Variants in AFAP1 observed in about 807,000 individuals in gnomAD.
AFAP1 encodes the protein actin filament-associated protein 1.
In AFAP1, 75 loss-of-function variants were observed where a neutral mutation model predicts 93.9. That is an observed-to-expected ratio of 0.80 (90% CI 0.66 to 0.97). AFAP1 has a LOEUF of 0.97. AFAP1 is among the 50% of genes least tolerant of loss of function. AFAP1 has a pLI of 0.00. For missense variants in AFAP1, 1,201 were observed against 1,050.8 expected (o/e 1.14, Z -1.98); for synonymous variants, 517 against 430.7 (o/e 1.20, Z -2.48).
intron 6 of AFAP1, among the ~76,000 whole-genome samples, chr4:7,820,303 A>G (rs1037598018): frequency 2.0e-5 from 3 of 152,216 alleles, no homozygotes; most frequent in African/African-American, 7.2e-5. Context: ...GGCTGGGTGG[A>G]GAGAAGCCAG....
At chr4:7,934,878 C>T (rs7689238) in intron 1 of AFAP1, among the ~76,000 whole-genome samples, 79,305 of 152,044 alleles carry the variant, frequency 0.52, 21,275 homozygotes, top group East Asian at 0.78. Context: ...CGTGGACATT[C>T]ATTACTTCAT....
chr4:7,820,771 G>T (rs1720906196), intron 6 of AFAP1, among the ~76,000 whole-genome samples: 1 of 152,110 alleles, frequency 6.6e-6, no homozygotes, highest in Non-Finnish European at 1.5e-5. Flanking sequence ...GAAGAGGGAG[G>T]AGGCAGAGAG....
chr4:7,850,469 G>A (rs1469171289), intron 4 of AFAP1, among the ~76,000 whole-genome samples: 1 of 152,334 alleles, frequency 6.6e-6, no homozygotes. Context: ...TTAGAAAGCT[G>A]AAAATAAAAC....
At position 7,792,147 on chromosome 4, in the gene AFAP1, A is replaced by G. The variant is rs537875816; in HGVS notation, c.1412+1534T>C. 1.9e-4 allele frequency among the ~76,000 whole-genome samples: 29 copies of G among 152,248 alleles called. No individual in the cohort carries two copies. The South Asian group carries it at 2.5e-3, about 13-fold the overall frequency. On this transcript the variant is annotated intron_variant, in intron 11 of 17. Transcript: ENST00000420658. ...GGGCACATTTTAATTGCTTTTTCTG[A>G]GCTGTAGTGACACTTCTTCGGGACT...
At chr4:7,866,580 C>A (rs557705449) in intron 3 of AFAP1, among the ~76,000 whole-genome samples, 2 of 152,274 alleles carry the variant, frequency 1.3e-5, no homozygotes, top group Non-Finnish European at 2.9e-5. Flanking sequence ...TAAGACCCAT[C>A]ACAGGGGAGC....
intron 17 of AFAP1, among the ~76,000 whole-genome samples, chr4:7,764,064 A>G (rs1409395851): frequency 6.6e-6 from 1 of 152,246 alleles, no homozygotes; most frequent in Non-Finnish European, 1.5e-5. Context: ...CCACCGATGG[A>G]TAGACATGTA....
chr4:7,794,858 CAGTTACATTTTT>C (rs1330337892), intron 10 of AFAP1, among the ~76,000 whole-genome samples: 6 of 152,060 alleles, frequency 3.9e-5, no homozygotes. Flanking sequence ...TTTAGAAAAT[CAGTTACATTTTT>C]AGTGGTATTT....
chr4:7,783,021 T>G (rs1282967492), intron 12 of AFAP1, among the ~76,000 whole-genome samples: 1 of 152,190 alleles, frequency 6.6e-6, no homozygotes, highest in Non-Finnish European at 1.5e-5. Flanking sequence ...TCACAGAAGT[T>G]TCTAGTTTAA....
At chr4:7,825,814 C>A (rs893678683) in intron 6 of AFAP1, among the ~76,000 whole-genome samples, 1 of 151,764 alleles carries the variant, frequency 6.6e-6, no homozygotes. Context: ...TTTGAGAGAA[C>A]TAATAAAATT....
At chr4:7,834,729 ATCCAAGCTGTAG>A (rs1407193290) in intron 6 of AFAP1, among the ~76,000 whole-genome samples, 1 of 152,224 alleles carries the variant, frequency 6.6e-6, no homozygotes, top group Non-Finnish European at 1.5e-5. Context: ...GGGAAGAGAG[ATCCAAGCTGTAG>A]TCCAGGGCAT....
intron 15 of AFAP1, 200 bp from the exon 16 acceptor site, chr4:7,773,210 G>T: frequency 1.2e-6 from 1 of 815,128 alleles, no homozygotes; most frequent in Non-Finnish European, 1.8e-6. Context: ...CTTTGCTGCA[G>T]CCGTTGAGGA....
intron 17 of AFAP1, among the ~76,000 whole-genome samples, chr4:7,764,962 T>C (rs1307852312): frequency 6.6e-6 from 1 of 152,086 alleles, no homozygotes; most frequent in African/African-American, 2.4e-5. Flanking sequence ...AAAAATTAGC[T>C]GGGTGTGGTG....
intron 1 of AFAP1, among the ~76,000 whole-genome samples, chr4:7,904,250 G>A (rs564276873): frequency 1.3e-5 from 2 of 152,158 alleles, no homozygotes; most frequent in Admixed American, 6.5e-5. Flanking sequence ...GCACGGGGCC[G>A]ACTGCTTTTC....
chr4:7,772,939 C>T lies in AFAP1; in HGVS notation c.2134G>A (p.Glu712Lys). 2 of 1,613,884 alleles carry T rather than the reference C, an allele frequency of 1.2e-6. No individual in the cohort carries two copies. Among genetic ancestry groups the T allele is most frequent in the Non-Finnish European group, 1.7e-6 (2 of 1,180,030 alleles). ...AGCTCCAGCTCCAGGCTGACACGCTCCGCCTCCTTCTGCCGGCACTCCTCC... is the reference window on the plus strand; with the variant it reads ...AGCTCCAGCTCCAGGCTGACACGCTTCGCCTCCTTCTGCCGGCACTCCTCC... ...LEEECRQKEAERVSLELELTE... is the reference protein window; with the variant it reads ...LEEECRQKEAKRVSLELELTE... Residue 712 changes from glutamate to lysine, a missense_variant, in exon 16 of 18, where the codon GAG becomes AAG. Transcript: ENST00000420658.
chr4:7,767,063 A>G (rs1331236262), intron 17 of AFAP1, among the ~76,000 whole-genome samples: 1 of 152,206 alleles, frequency 6.6e-6, no homozygotes, highest in African/African-American at 2.4e-5. Flanking sequence ...TACAGGCCCC[A>G]CCACCTCCAG....
At chr4:7,840,265 T>TGTGTGTGTGTGTGTGTGC (rs1553844325) in intron 5 of AFAP1, among the ~76,000 whole-genome samples, 25 of 70,004 alleles carry the variant, frequency 3.6e-4, no homozygotes, top group Non-Finnish European at 6.2e-4. Flanking sequence ...TTTTGGGATG[T>TGTGTGTGTGTGTGTGTGC]GTGTGTGTGT....
chr4:7,798,430 C>G (rs1184624325), intron 10 of AFAP1, among the ~76,000 whole-genome samples: 2 of 150,488 alleles, frequency 1.3e-5, no homozygotes, highest in Non-Finnish European at 3.0e-5. Context: ...TTGGCTGGCT[C>G]ACAGCATTGC....
Position 7,872,100 on chromosome 4 carries a change from A to G in AFAP1, c.-2-20T>C, listed in dbSNP as rs1717105734. ...CCATTGCTGACAACAAAAGAGGAAG[A>G]GTATTATTAGACCCAGTGATTTGCA... On this transcript the variant is annotated intron_variant, in intron 1 of 17. Coordinates refer to ENST00000420658, the MANE Select transcript of AFAP1 (RefSeq NM_001134647.2). The G allele has an allele frequency of 6.2e-7, 1 of 1,613,472 alleles. No homozygotes were observed. The highest frequency in any genetic ancestry group is 8.5e-7 in the Non-Finnish European group (1 of 1,179,830).
chr4:7,783,871 G>T (rs1031962463), intron 12 of AFAP1, among the ~76,000 whole-genome samples: 1 of 152,166 alleles, frequency 6.6e-6, no homozygotes, highest in Non-Finnish European at 1.5e-5. Flanking sequence ...AAGGGTCTTT[G>T]GGGGGGACGG....
Sources: allele counts gnomAD v4.1 joint callset (sites outside exome capture counted in the v4.1 genomes callset), GRCh38; gene constraint gnomAD v4.1.1; transcripts MANE v1.5; gene names NCBI Gene and HGNC (gene_info 2026-07-23, HGNC 2026-07-21).